Variants in ARSB observed in about 807,000 individuals in gnomAD.
ARSB encodes arylsulfatase B.
Under a neutral mutation model 50.9 loss-of-function variants are expected in ARSB, and 41 were observed. That is an observed-to-expected ratio of 0.81 (90% confidence interval 0.63 to 1.04). The LOEUF (loss-of-function observed/expected upper bound fraction) is 1.04, where lower values mean the gene tolerates loss of function less well. Ranked by LOEUF, ARSB falls within the 50% of genes least tolerant of loss-of-function variation. The pLI, the probability that ARSB is intolerant of heterozygous loss-of-function variation, is 0.00. For missense variants in ARSB, 672 were observed against 693.3 expected, an observed-to-expected ratio of 0.97 and a Z score of 0.35; for synonymous variants, 269 against 284.8, an observed-to-expected ratio of 0.94 and a Z score of 0.56.
chr5:78,796,416 C>T (rs1743178003), intron 6 of ARSB, among the ~76,000 whole-genome samples: 1 of 152,208 alleles, frequency 6.6e-6, no homozygotes, highest in African/African-American at 2.4e-5. Flanking sequence ...AAAAGACATA[C>T]CAATTCCCCA....
chr5:78,861,404 C>T (rs1746429609), intron 5 of ARSB, among the ~76,000 whole-genome samples: 1 of 152,162 alleles, frequency 6.6e-6, no homozygotes, highest in African/African-American at 2.4e-5. Flanking sequence ...CATCAAAAAG[C>T]TTATCCACCA....
chr5:78,949,737 T>G (rs968072275), intron 4 of ARSB, among the ~76,000 whole-genome samples: 1 of 152,006 alleles, frequency 6.6e-6, no homozygotes, highest in South Asian at 2.1e-4. Context: ...TGGCGAAACC[T>G]TGTCTCTCCT....
At chr5:78,946,463 C>G (rs1751237031) in intron 4 of ARSB, among the ~76,000 whole-genome samples, 1 of 151,990 alleles carries the variant, frequency 6.6e-6, no homozygotes, top group African/African-American at 2.4e-5. Context: ...TTCTATGTGC[C>G]AACAGTGAAC....
chr5:78,985,501 C>T, upstream of ARSB: 1 of 281,792 alleles, frequency 3.5e-6, no homozygotes, highest in Non-Finnish European at 6.5e-6. Flanking sequence ...TCAGCTGACG[C>T]TTGGAGGGCA....
chr5:78,835,752 A>G (rs1581019699), intron 6 of ARSB, among the ~76,000 whole-genome samples: 1 of 152,312 alleles, frequency 6.6e-6, no homozygotes, highest in East Asian at 1.9e-4. Context: ...CCATTCATAT[A>G]GAGACCCACA....
intron 6 of ARSB, among the ~76,000 whole-genome samples, chr5:78,829,134 A>G (rs1007544913): frequency 2.6e-5 from 4 of 152,370 alleles, no homozygotes; most frequent in African/African-American, 9.6e-5. Context: ...CAGCCCTGCC[A>G]ATCGGTACCC....
intron 5 of ARSB, among the ~76,000 whole-genome samples, chr5:78,844,723 C>A (rs964591487): frequency 4.6e-5 from 7 of 151,884 alleles, no homozygotes; most frequent in African/African-American, 1.7e-4. Context: ...AGGTAGAGAT[C>A]CAACTTCATT....
chr5:78,782,483 C>T (rs1365305204), intron 6 of ARSB, among the ~76,000 whole-genome samples: 1 of 152,130 alleles, frequency 6.6e-6, no homozygotes, highest in African/African-American at 2.4e-5. Context: ...TAAAAGTGAG[C>T]AGTGCTCAGT....
intron 4 of ARSB, among the ~76,000 whole-genome samples, chr5:78,934,084 C>T (rs991363251): frequency 2.6e-5 from 4 of 152,206 alleles, no homozygotes; most frequent in Non-Finnish European, 5.9e-5. Context: ...CATAGGACCA[C>T]AGGGAGTTGA....
chr5:78,984,864 G>T, intron 1 of ARSB, 73 bp downstream of exon 1: 1 of 1,194,098 alleles, frequency 8.4e-7, no homozygotes, highest in South Asian at 3.8e-5. Context: ...CGGCCTCAAG[G>T]GCCGGGTAGG....
chr5:78,815,575 T>C (rs1743957506), intron 6 of ARSB: 1 of 987,346 alleles, frequency 1.0e-6, no homozygotes, highest in Non-Finnish European at 1.2e-6. Flanking sequence ...TACATTTTCC[T>C]GAAGATGGCT....
chr5:78,968,400 T>G lies in ARSB; in HGVS notation c.499+606A>C, dbSNP rs7718164. ...TCTTGCTCTGTTGCCCAGGCTAGAG[T>G]GCAGTGGCATGATCTCGGCTCACTG... On this transcript the variant is annotated intron_variant, in intron 2 of 7. Transcript: ENST00000264914. Among the ~76,000 whole-genome samples, 975 of 151,256 alleles carry G rather than the reference T, an allele frequency of 6.4e-3. 13 individuals are homozygous for G. The highest frequency in any genetic ancestry group is 0.023 in the African/African-American group (934 of 41,366).
intron 1 of ARSB, among the ~76,000 whole-genome samples, chr5:78,978,696 C>T (rs905191174): frequency 1.3e-5 from 2 of 152,112 alleles, no homozygotes; most frequent in Non-Finnish European, 2.9e-5. Context: ...GTAAGTCATA[C>T]GTCTATGGTC....
chr5:78,958,911 T>C (rs976974481), intron 3 of ARSB, among the ~76,000 whole-genome samples: 1 of 151,402 alleles, frequency 6.6e-6, no homozygotes, highest in Non-Finnish European at 1.5e-5. Flanking sequence ...ACCACCACCT[T>C]GACTAATCAG....
intron 5 of ARSB, among the ~76,000 whole-genome samples, chr5:78,850,870 A>G (rs1051668469): frequency 2.6e-5 from 4 of 152,074 alleles, no homozygotes; most frequent in Non-Finnish European, 5.9e-5. Context: ...GTATTCTCTG[A>G]TGGTAGTTTG....
At chr5:78,964,309 G>A in intron 3 of ARSB, 107 bp downstream of exon 3, 1 of 1,139,174 alleles carries the variant, frequency 8.8e-7, no homozygotes, top group Non-Finnish European at 1.3e-6. Context: ...GACTTCCCTA[G>A]AATTTATTAG....
Position 78,859,930 on chromosome 5 carries a change from C to T in ARSB, c.1143-20504G>A, listed in dbSNP as rs192565878. On this transcript the variant is annotated intron_variant, in intron 5 of 7. Coordinates refer to ENST00000264914, the MANE Select transcript of ARSB (RefSeq NM_000046.5). ...TGAAACAACCTCAGAACACTCCATACTGTGAGTGTAGGATAGAAGCCCTTT... is the reference window on the plus strand; with the variant it reads ...TGAAACAACCTCAGAACACTCCATATTGTGAGTGTAGGATAGAAGCCCTTT... Among the ~76,000 whole-genome samples, 632 of 152,266 alleles carry T rather than the reference C, an allele frequency of 4.2e-3. 4 individuals carry two copies. The highest frequency in any genetic ancestry group is 7.2e-3 in the Non-Finnish European group (489 of 68,024).
chr5:78,870,841 A>AG (rs1471227887), intron 5 of ARSB, among the ~76,000 whole-genome samples: 1 of 152,060 alleles, frequency 6.6e-6, no homozygotes, highest in East Asian at 1.9e-4. Context: ...AAGGAAATAA[A>AG]GGGTATTCAA....
chr5:78,956,090 T>A (rs1751710828), intron 3 of ARSB, among the ~76,000 whole-genome samples: 1 of 152,214 alleles, frequency 6.6e-6, no homozygotes, highest in Admixed American at 6.5e-5. Context: ...CACTGCAACA[T>A]TATTCATAAT....
Sources: gnomAD v4.1 joint callset for allele counts (sites outside exome capture counted in the v4.1 genomes callset) on GRCh38, gnomAD v4.1.1 for gene constraint, MANE v1.5 for transcripts, NCBI Gene and HGNC (gene_info 2026-07-23, HGNC 2026-07-21) for gene names.